AMPD3: variants seen among roughly 807,000 people sequenced by gnomAD.
The protein encoded by AMPD3 is AMP deaminase 3.
A neutral mutation model predicts 82.3 loss-of-function variants in AMPD3; 57 were observed. The ratio of observed to expected loss-of-function variants is 0.69; its 90% CI spans 0.56 to 0.86. AMPD3 has a LOEUF of 0.86. AMPD3 is among the 40% of genes least tolerant of loss of function. The pLI is 0.00. For missense variants in AMPD3, 870 were observed against 1,003.8 expected (o/e 0.87, Z 1.80); for synonymous variants, 381 against 394.7 (o/e 0.97, Z 0.41).
chr11:10,459,556 C>T (rs1345136848), intron 1 of AMPD3, among the ~76,000 whole-genome samples: 1 of 152,188 alleles, frequency 6.6e-6, no homozygotes. Flanking sequence ...AGGGCTCTGT[C>T]TCATCTCCAT....
chr11:10,478,865 G>A, intron 3 of AMPD3, 135 bp downstream of exon 3: 1 of 1,000,210 alleles, frequency 1.0e-6, no homozygotes, highest in African/African-American at 1.6e-5. Context: ...GGAGGCACAG[G>A]AGACAAGGAG....
rs181704611 is a variant in AMPD3 at position 10,499,473 on chromosome 11, C to T, written c.1558-613C>T. 1.8e-5 allele frequency: 3 copies of T among 168,044 alleles called. No individual in the cohort carries two copies. The Admixed American group carries it at 1.9e-4, about 11-fold the overall frequency. 10.4% of individuals were successfully genotyped at this position (168,044 alleles called of 1,614,324 possible). A position where few individuals can be genotyped will look rare whatever the true frequency, so the allele number is the denominator to read the frequency against. ...CCTCGTGATCTGCCCGTCTCCTCCTCCCAAAGTGCTAGGATTACAGGCATG... is the reference window on the plus strand; with the variant it reads ...CCTCGTGATCTGCCCGTCTCCTCCTTCCAAAGTGCTAGGATTACAGGCATG... On this transcript the variant is annotated intron_variant, in intron 10 of 14. Coordinates refer to ENST00000396553, the MANE Select transcript of AMPD3 (RefSeq NM_001025389.2).
intron 1 of AMPD3, among the ~76,000 whole-genome samples, chr11:10,460,066 T>TATATATTATATATAATATATATA (rs1591438986): frequency 1.4e-5 from 2 of 143,974 alleles, no homozygotes; most frequent in East Asian, 3.9e-4. Flanking sequence ...TAATATATAT[T>TATATATTATATATAATATATATA]ATATATAATA....
intron 2 of AMPD3, among the ~76,000 whole-genome samples, chr11:10,469,900 C>T (rs932716696): frequency 2.5e-4 from 38 of 150,790 alleles, no homozygotes; most frequent in Admixed American, 1.9e-3. Context: ...ATTAGCCGGG[C>T]GTAGTGGCGG....
chr11:10,503,997 G>A (rs1849646756), intron 13 of AMPD3: 6 of 985,296 alleles, frequency 6.1e-6, no homozygotes, highest in Non-Finnish European at 7.2e-6. Flanking sequence ...ATCCCAGAAG[G>A]GAAGCAAAAC....
intron 3 of AMPD3, among the ~76,000 whole-genome samples, chr11:10,480,356 A>G (rs1848865833): frequency 6.6e-6 from 1 of 152,164 alleles, no homozygotes; most frequent in South Asian, 2.1e-4. Context: ...GTTGGCAGGG[A>G]CATATTTTTG....
intron 6 of AMPD3, chr11:10,488,162 T>C: frequency 1.0e-6 from 1 of 972,744 alleles, no homozygotes; most frequent in Non-Finnish European, 1.2e-6. Context: ...CTCCTGGCAG[T>C]CTCCGCCTGC....
chr11:10,475,608 G>A (rs1219543003), intron 2 of AMPD3, among the ~76,000 whole-genome samples: 1 of 152,198 alleles, frequency 6.6e-6, no homozygotes, highest in Non-Finnish European at 1.5e-5. Flanking sequence ...TCACTCCTGT[G>A]ATGATGTTAT....
chr11:10,472,584 A>G (rs1236202730), intron 2 of AMPD3, among the ~76,000 whole-genome samples: 1 of 152,212 alleles, frequency 6.6e-6, no homozygotes, highest in Non-Finnish European at 1.5e-5. Flanking sequence ...TAGCACAGCT[A>G]AAGTGTTGCT....
In AMPD3 at chr11:10,482,191, G is replaced by A; in HGVS notation, c.555G>A (p.Arg185=). ...RITSQYLGHP[R]ADTAPPEEGL... is the part of the protein sequence containing the mutation. ...CATCCCAGTACCTGGGTCATCCGCGGGCGGATACTGCACCTCCGGAAGAGG... is the reference window on the plus strand; with the variant it reads ...CATCCCAGTACCTGGGTCATCCGCGAGCGGATACTGCACCTCCGGAAGAGG... The change falls in exon 4 of 15, where the codon CGG becomes CGA. Residue 185 remains arginine (R), a synonymous_variant. Coordinates refer to ENST00000396553, the MANE Select transcript of AMPD3 (RefSeq NM_001025389.2). 8 of 1,613,254 alleles carry A rather than the reference G, an allele frequency of 5.0e-6. No homozygotes were observed. Among genetic ancestry groups the A allele is most frequent in the Non-Finnish European group, 5.9e-6 (7 of 1,179,868 alleles).
chr11:10,455,524 G>A, intron 1 of AMPD3, 76 bp downstream of exon 1: 1 of 796,462 alleles, frequency 1.3e-6, no homozygotes, highest in Non-Finnish European at 1.5e-6. Flanking sequence ...TGTGGATGGG[G>A]GTGGGGGTTC....
At chr11:10,481,307 C>A in intron 3 of AMPD3, 2 of 372,040 alleles carry the variant, frequency 5.4e-6, no homozygotes, top group Non-Finnish European at 7.4e-6. Flanking sequence ...TGTTTTGTTT[C>A]GCCATCTGAA....
At chr11:10,451,134 AC>A, upstream of AMPD3, 1 of 1,515,634 alleles carries the variant, frequency 6.6e-7, no homozygotes, top group South Asian at 1.2e-5. Flanking sequence ...TGGGGTCTGA[AC>A]CGCGGCTTCC....
chr11:10,461,669 G>A lies in AMPD3; in HGVS notation c.150G>A (p.Gly50=), dbSNP rs760184620. 6.2e-6 allele frequency: 10 copies of A among 1,614,088 alleles called. No individual in the cohort carries two copies. The Admixed American group carries it at 1.2e-4, about 19-fold the overall frequency. ...LFTVPEDCPI[G]QKEAKERELQ... ...CTGTCCCAGAGGACTGCCCCATCGG[G>A]CAAAAGGAAGCCAAGGAGAGGGAGC... Residue 50 remains glycine, a synonymous_variant, in exon 2 of 15, where the codon GGG becomes GGA. Transcript: ENST00000396553.
In AMPD3 at chr11:10,455,421, G is replaced by T; in HGVS notation, c.-33G>T. 1.0e-6 allele frequency: 1 copy of T among 985,448 alleles called. No homozygotes were observed. Among genetic ancestry groups the T allele is most frequent in the Non-Finnish European group, 1.2e-6 (1 of 830,032 alleles). The allele number at this position is 985,448 out of a possible 1,614,324, so 61.0% of individuals were successfully genotyped here. On this transcript the variant is annotated 5_prime_UTR_variant, in exon 1 of 15. Transcript: ENST00000396553. ...AGAGTCCAGCCAGCGCTCGGAGCTG[G>T]AGGCCCACGTGGGAGCAGTGAGCGG...
chr11:10,481,870 C>T, intron 3 of AMPD3, 193 bp from the exon 4 acceptor site: 1 of 686,208 alleles, frequency 1.5e-6, no homozygotes, highest in Non-Finnish European at 2.6e-6. Flanking sequence ...AGGTGTCCAA[C>T]ATAAACCATA....
chr11:10,501,207 G>A (rs1849570110), intron 11 of AMPD3: 1 of 985,414 alleles, frequency 1.0e-6, no homozygotes, highest in Middle Eastern at 5.2e-4. Flanking sequence ...AGGAATTCAG[G>A]AGAGTGGCTG....
At chr11:10,463,614 A>G (rs1213912558) in intron 2 of AMPD3, among the ~76,000 whole-genome samples, 1 of 152,228 alleles carries the variant, frequency 6.6e-6, no homozygotes, top group African/African-American at 2.4e-5. Flanking sequence ...ACTAGGAACA[A>G]TAAGTTTCTG....
At chr11:10,470,291 A>G (rs1848551385) in intron 2 of AMPD3, among the ~76,000 whole-genome samples, 1 of 152,204 alleles carries the variant, frequency 6.6e-6, no homozygotes, top group African/African-American at 2.4e-5. Context: ...CTCTCAATAA[A>G]TTAGGTATTG....
Sources: allele counts gnomAD v4.1 joint callset (sites outside exome capture counted in the v4.1 genomes callset), GRCh38; gene constraint gnomAD v4.1.1; transcripts MANE v1.5; gene names NCBI Gene and HGNC (gene_info 2026-07-23, HGNC 2026-07-21).